The following GPATCH1 variants were observed in gnomAD, a reference collection of about 807,000 sequenced individuals.
GPATCH1 encodes the protein G-patch domain containing 1.
A neutral mutation model predicts 114.9 loss-of-function variants in GPATCH1; 73 were observed. The ratio of observed to expected loss-of-function variants is 0.64; its 90% CI spans 0.53 to 0.77. The LOEUF (loss-of-function observed/expected upper bound fraction) is 0.77, where lower values mean the gene tolerates loss of function less well. Among genes scored for constraint, GPATCH1 ranks in the 30% least tolerant of loss-of-function variants. The probability of loss-of-function intolerance (pLI) is 0.00; values close to 1 mark genes in which losing one functional copy is unlikely to be tolerated. For missense variants in GPATCH1, 1,058 were observed against 1,144.3 expected, an observed-to-expected ratio of 0.92 and a Z score of 1.09; for synonymous variants, 391 against 428.4, an observed-to-expected ratio of 0.91 and a Z score of 1.08.
At chr19:33,107,853 T>A (rs954455032) in intron 10 of GPATCH1, among the ~76,000 whole-genome samples, 20 of 152,056 alleles carry the variant, frequency 1.3e-4, no homozygotes, top group East Asian at 9.7e-4. Flanking sequence ...TTTTAATTTT[T>A]ATTTTTTTTT....
intron 17 of GPATCH1, among the ~76,000 whole-genome samples, chr19:33,124,208 A>G (rs1973016095): frequency 6.6e-6 from 1 of 151,716 alleles, no homozygotes; most frequent in African/African-American, 2.4e-5. Context: ...TGCTTCTACT[A>G]TTGTGAAATT....
chr19:33,129,949 G>GAA (rs59303077), intron 19 of GPATCH1, among the ~76,000 whole-genome samples, 181 bp from the exon 20 acceptor site: 18,490 of 139,708 alleles, frequency 0.13, 1,548 homozygotes, highest in East Asian at 0.38. Context: ...CATCTCGGGG[G>GAA]AAAAAAAAAA....
At chr19:33,107,024 C>A (rs3760893) in intron 10 of GPATCH1, 125 bp downstream of exon 10, 232,440 of 678,058 alleles carry the variant, frequency 0.34, 49,247 homozygotes, top group African/African-American at 0.73. Flanking sequence ...TGTGGAAATA[C>A]CACTATTTAT....
chr19:33,123,344 G>A (rs1185025479), intron 17 of GPATCH1, among the ~76,000 whole-genome samples: 1 of 151,316 alleles, frequency 6.6e-6, no homozygotes, highest in Non-Finnish European at 1.5e-5. Flanking sequence ...AGGTTGGGGT[G>A]AGCTGAGATC....
intron 19 of GPATCH1, among the ~76,000 whole-genome samples, chr19:33,127,114 G>A (rs1383202799): frequency 6.7e-6 from 1 of 149,326 alleles, no homozygotes; most frequent in Non-Finnish European, 1.5e-5. Flanking sequence ...CAGCCTGGGT[G>A]ATAGAGCAAG....
At chr19:33,116,574 G>T (rs1165656112) in intron 15 of GPATCH1, among the ~76,000 whole-genome samples, 1 of 152,188 alleles carries the variant, frequency 6.6e-6, no homozygotes, top group Non-Finnish European at 1.5e-5. Flanking sequence ...CTGTCACCCA[G>T]GCTGGAGGGC....
At chr19:33,092,070 G>A (rs915502274) in intron 3 of GPATCH1, among the ~76,000 whole-genome samples, 12 of 151,042 alleles carry the variant, frequency 7.9e-5, no homozygotes, top group South Asian at 2.1e-4. Flanking sequence ...TTCCTGAGAC[G>A]GAGTTTTGCT....
At chr19:33,109,474 T>C (rs1972824338) in intron 10 of GPATCH1, among the ~76,000 whole-genome samples, 1 of 152,080 alleles carries the variant, frequency 6.6e-6, no homozygotes. Context: ...GATGGTACCA[T>C]TGCACTCCAG....
intron 2 of GPATCH1, among the ~76,000 whole-genome samples, chr19:33,088,867 G>T (rs1409089037): frequency 1.3e-5 from 2 of 151,968 alleles, no homozygotes; most frequent in Admixed American, 6.6e-5. Context: ...ATGTTGGCCA[G>T]TGTGGTCTCT....
chr19:33,110,552 C>A (rs1177797608), intron 11 of GPATCH1, among the ~76,000 whole-genome samples: 1 of 151,936 alleles, frequency 6.6e-6, no homozygotes, highest in African/African-American at 2.4e-5. Context: ...CAGTAAATTA[C>A]AGGGTTGTTT....
In GPATCH1 at chr19:33,090,982, G is replaced by A. The variant is rs77524855; in HGVS notation, c.294+117G>A. ...GTACGATTTCCTCTTTGTTTGTAAG[G>A]CTTTATCTTTTAGGTATTTGATGTG... On this transcript the variant is annotated intron_variant, in intron 3 of 19. Transcript: ENST00000170564. 5 of 670,836 alleles carry A rather than the reference G, an allele frequency of 7.5e-6. No individual in the cohort carries two copies. The East Asian group carries it at 1.4e-4, about 18-fold the overall frequency. 41.6% of individuals were successfully genotyped at this position (670,836 alleles called of 1,614,324 possible).
chr19:33,082,795 T>A (rs1972492454), intron 1 of GPATCH1, among the ~76,000 whole-genome samples: 1 of 152,222 alleles, frequency 6.6e-6, no homozygotes, highest in African/African-American at 2.4e-5. Context: ...CTACACTCAC[T>A]ATCCCAAGTT....
intron 19 of GPATCH1, among the ~76,000 whole-genome samples, chr19:33,129,228 C>CA (rs1418528743): frequency 1.2e-4 from 18 of 150,504 alleles, no homozygotes; most frequent in Admixed American, 8.7e-4. Context: ...GCCTGGGTGA[C>CA]AGAGACTCTG....
At position 33,117,951 on chromosome 19, in the gene GPATCH1, G is replaced by C; in HGVS notation, c.2323G>C (p.Asp775His). 6.2e-7 allele frequency: 1 copy of C among 1,613,846 alleles called. No homozygotes were observed. Reference protein sequence around the residue: ...KSSSSEDEQGDSEDDQAGSGE... With the variant: ...KSSSSEDEQGHSEDDQAGSGE... ...CTCATCCTCCGAGGATGAGCAAGGT[G>C]ACAGTGAAGATGATCAGGCAGGCTC... Residue 775 changes from aspartate to histidine, a missense_variant, in exon 16 of 20, where the codon GAC becomes CAC. By Grantham distance (81) the Asp-to-His change is moderately conservative. Transcript: ENST00000170564.
At chr19:33,097,363 C>T (rs1427227343) in intron 7 of GPATCH1, among the ~76,000 whole-genome samples, 1 of 152,212 alleles carries the variant, frequency 6.6e-6, no homozygotes, top group Non-Finnish European at 1.5e-5. Flanking sequence ...GTAGCAGCGG[C>T]CCTTAGACCC....
intron 14 of GPATCH1, 34 bp downstream of exon 14, chr19:33,113,937 C>G (rs1437380169): frequency 6.2e-7 from 1 of 1,604,074 alleles, no homozygotes; most frequent in Admixed American, 1.7e-5. Flanking sequence ...TCTGATTGAC[C>G]AGGGCCTCAA....
chr19:33,117,979 G>A lies in GPATCH1; in HGVS notation c.2351G>A (p.Gly784Glu), dbSNP rs34890536. ...AGTGAAGATGATCAGGCAGGCTCTG[G>A]GGAGGCCAACTTCCAAAGCTCCCAA... is the stretch of plus-strand genomic sequence containing the variant. Reference protein sequence around the residue: ...GDSEDDQAGSGEANFQSSQDT... With the variant: ...GDSEDDQAGSEEANFQSSQDT... Residue 784 changes from glycine (G) to glutamate (E), a missense_variant, in exon 16 of 20, where the codon GGG becomes GAG. By Grantham distance (98) the Gly-to-Glu change is moderately conservative. Transcript: ENST00000170564. 3.5e-4 allele frequency: 572 copies of A among 1,613,788 alleles called. 3 individuals are homozygous for A. In the African/African-American group the frequency reaches 6.9e-3, roughly 20 times the overall value.
intron 19 of GPATCH1, among the ~76,000 whole-genome samples, chr19:33,129,169 C>A (rs1973075680): frequency 6.6e-6 from 1 of 151,876 alleles, no homozygotes; most frequent in Admixed American, 6.6e-5. Flanking sequence ...ATCGCTTGAA[C>A]CTGGGAGGTG....
chr19:33,129,079 C>A (rs1461516136), intron 19 of GPATCH1, among the ~76,000 whole-genome samples: 1 of 151,798 alleles, frequency 6.6e-6, no homozygotes, highest in Non-Finnish European at 1.5e-5. Flanking sequence ...AACCCCAAAC[C>A]CCATCTCTAC....
Sources: allele counts gnomAD v4.1 joint callset (sites outside exome capture counted in the v4.1 genomes callset), GRCh38; gene constraint gnomAD v4.1.1; transcripts MANE v1.5; gene names NCBI Gene and HGNC (gene_info 2026-07-23, HGNC 2026-07-21).